Variants in LOC128092252 observed in about 807,000 individuals in gnomAD.
the LOC128092252 span, among the ~76,000 whole-genome samples, chr15:50,670,031 T>G: frequency 6.6e-6 from 1 of 152,208 alleles, no homozygotes; most frequent in African/African-American, 2.4e-5. Context: ...CTTATTAATC[T>G]TTCAGATATC....
At chr15:50,657,916 T>C in the LOC128092252 span, 4 of 853,616 alleles carry the variant, frequency 4.7e-6, no homozygotes, top group Non-Finnish European at 7.3e-6. Flanking sequence ...AAAAAAATTA[T>C]ATACCTAGTT....
the LOC128092252 span, among the ~76,000 whole-genome samples, chr15:50,677,976 A>G: frequency 2.0e-5 from 3 of 151,962 alleles, no homozygotes; most frequent in South Asian, 6.2e-4. Context: ...GCAGTGGCTC[A>G]TGCCTATAAT....
chr15:50,654,989 A>G, the LOC128092252 span, among the ~76,000 whole-genome samples: 1 of 134,550 alleles, frequency 7.4e-6, no homozygotes, highest in African/African-American at 2.7e-5. Context: ...CGACAGAGTG[A>G]CACTCCGTCT....
chr15:50,686,547 C>A, the LOC128092252 span: 2 of 1,610,084 alleles, frequency 1.2e-6, no homozygotes, highest in South Asian at 1.1e-5. Flanking sequence ...CCTCACGGGG[C>A]GGACTCCGGA....
chr15:50,652,880 G>A, the LOC128092252 span, among the ~76,000 whole-genome samples: 2 of 152,082 alleles, frequency 1.3e-5, 1 homozygote, highest in South Asian at 4.2e-4. Flanking sequence ...GAAAAGACTA[G>A]GCCGGGCACA....
chr15:50,653,873 C>T, the LOC128092252 span, among the ~76,000 whole-genome samples: 35 of 152,132 alleles, frequency 2.3e-4, no homozygotes, highest in East Asian at 3.1e-3. Flanking sequence ...GGTCTGTGAA[C>T]GGGGTCCTAA....
the LOC128092252 span, among the ~76,000 whole-genome samples, chr15:50,676,811 C>T: frequency 9.9e-5 from 15 of 152,060 alleles, no homozygotes; most frequent in African/African-American, 3.6e-4. Flanking sequence ...AAAACAGCAG[C>T]TGGAAAGTGA....
At chr15:50,651,250 A>AATAAAATAAAAT in the LOC128092252 span, among the ~76,000 whole-genome samples, 1 of 152,340 alleles carries the variant, frequency 6.6e-6, no homozygotes, top group Non-Finnish European at 1.5e-5. Context: ...GAAAACTATC[A>AATAAAATAAAAT]ATAAAATAAA....
the LOC128092252 span, among the ~76,000 whole-genome samples, chr15:50,660,319 A>G: frequency 6.6e-6 from 1 of 152,176 alleles, no homozygotes; most frequent in Non-Finnish European, 1.5e-5. Context: ...TATTTTCTCA[A>G]TAATAAATAA....
chr15:50,649,966 G>A, the LOC128092252 span, among the ~76,000 whole-genome samples: 9 of 151,970 alleles, frequency 5.9e-5, no homozygotes, highest in African/African-American at 1.2e-4. Flanking sequence ...AGGCCGAGAC[G>A]GGCAGATTAC....
At chr15:50,663,332 G>A in the LOC128092252 span, among the ~76,000 whole-genome samples, 3 of 152,274 alleles carry the variant, frequency 2.0e-5, no homozygotes, top group East Asian at 5.8e-4. Flanking sequence ...GTTTCTCCAT[G>A]TTGGTCAGGC....
the LOC128092252 span, among the ~76,000 whole-genome samples, chr15:50,674,167 T>C: frequency 7.9e-5 from 12 of 152,140 alleles, no homozygotes; most frequent in African/African-American, 2.9e-4. Context: ...TTTTGTATTT[T>C]TAGTAGAGAT....
the LOC128092252 span, among the ~76,000 whole-genome samples, chr15:50,650,772 G>C: frequency 1.3e-5 from 2 of 152,024 alleles, no homozygotes; most frequent in African/African-American, 4.8e-5. Context: ...AGACCTGAAA[G>C]GATCAAACTG....
At chr15:50,680,000 A>C in the LOC128092252 span, among the ~76,000 whole-genome samples, 1 of 150,450 alleles carries the variant, frequency 6.6e-6, no homozygotes, top group African/African-American at 2.4e-5. Flanking sequence ...TTGGGGGGCC[A>C]AGGTGGGTGG....
At chr15:50,676,664 G>C in the LOC128092252 span, among the ~76,000 whole-genome samples, 1 of 152,022 alleles carries the variant, frequency 6.6e-6, no homozygotes, top group East Asian at 1.9e-4. Context: ...TAAAGGAATG[G>C]TATTGAGTGA....
chr15:50,670,948 C>A, the LOC128092252 span, among the ~76,000 whole-genome samples: 1 of 151,994 alleles, frequency 6.6e-6, no homozygotes, highest in African/African-American at 2.4e-5. Context: ...CCAATGGGGG[C>A]AGATTGCTGG....
chr15:50,683,658 G>T, the LOC128092252 span, among the ~76,000 whole-genome samples: 2 of 152,058 alleles, frequency 1.3e-5, no homozygotes, highest in African/African-American at 4.8e-5. Flanking sequence ...CTTGAACCAG[G>T]AGGCAGAGGC....
chr15:50,660,931 G>C, the LOC128092252 span, among the ~76,000 whole-genome samples: 1 of 150,990 alleles, frequency 6.6e-6, no homozygotes, highest in African/African-American at 2.4e-5. Context: ...AGTAGAACAG[G>C]TATATAAATT....
chr15:50,658,295 G>A, the LOC128092252 span, among the ~76,000 whole-genome samples: 1 of 151,894 alleles, frequency 6.6e-6, no homozygotes, highest in Non-Finnish European at 1.5e-5. Context: ...GTGAGCCACC[G>A]CGCCTGGCAG....
Sources: gnomAD v4.1 joint callset for allele counts (sites outside exome capture counted in the v4.1 genomes callset) on GRCh38, gnomAD v4.1.1 for gene constraint, MANE v1.5 for transcripts.